The following NALF1 variants were observed in gnomAD, a reference collection of about 807,000 sequenced individuals.
The protein encoded by NALF1 is family with sequence similarity 155 member A.
A neutral mutation model predicts 48.4 loss-of-function variants in NALF1; 3 were observed. The observed-to-expected ratio is 0.06, with a 90% CI of 0.03 to 0.16. NALF1 has a LOEUF of 0.16. NALF1 is among the 10% of genes least tolerant of loss of function. NALF1 has a pLI of 1.00. For synonymous variants in NALF1, 262 were observed against 245.7 expected (o/e 1.07, Z -0.62); for missense variants, 526 against 571.5 (o/e 0.92, Z 0.81).
chr13:107,288,250 C>G (rs868859525), intron 1 of NALF1, among the ~76,000 whole-genome samples: 28 of 129,090 alleles, frequency 2.2e-4, no homozygotes, highest in Middle Eastern at 6.3e-3. Flanking sequence ...GACGGAGTCT[C>G]GCTCTGTCGC....
At chr13:107,257,798 G>A (rs1385654827) in intron 1 of NALF1, among the ~76,000 whole-genome samples, 1 of 152,106 alleles carries the variant, frequency 6.6e-6, no homozygotes, top group Non-Finnish European at 1.5e-5. Flanking sequence ...TAGGGGATGG[G>A]GGGTGGTGAT....
At chr13:107,566,303 T>C (rs1463502824) in intron 1 of NALF1, among the ~76,000 whole-genome samples, 4 of 152,182 alleles carry the variant, frequency 2.6e-5, no homozygotes, top group East Asian at 1.9e-4. Flanking sequence ...TGCTGCAGAT[T>C]TGTGCAATAA....
intron 1 of NALF1, among the ~76,000 whole-genome samples, chr13:107,749,968 C>T (rs1265696273): frequency 2.6e-5 from 4 of 151,954 alleles, no homozygotes; most frequent in Non-Finnish European, 5.9e-5. Context: ...TACAGGCGTA[C>T]GCGACAGTGC....
intron 1 of NALF1, among the ~76,000 whole-genome samples, chr13:107,723,561 G>A (rs542849307): frequency 4.6e-5 from 7 of 152,198 alleles, no homozygotes; most frequent in East Asian, 1.9e-4. Context: ...GGGCTAAAAG[G>A]AAAACAATAA....
Position 107,865,953 on chromosome 13 carries a change from A to C in NALF1, c.644T>G (p.Leu215Arg). The change falls in exon 1 of 3, where the codon CTC becomes CGC. Residue 215 changes from leucine (L) to arginine (R), a missense_variant. Physicochemically the swap from Leu to Arg is moderately radical, Grantham distance 102. This residue lies in a region of NALF1 where 373 missense variants were observed against 355.5 expected (regional missense o/e 1.05). Transcript: ENST00000375915. ...QEVRSKHPTPLWNLSDFYLSF... is the reference protein window; with the variant it reads ...QEVRSKHPTPRWNLSDFYLSF... The stretch of plus-strand genomic sequence containing the variant: ...AAGGTAAAAATCCGACAAGTTCCAG[A>C]GCGGAGTGGGATGCTTGCTCCTCAC... The C allele has an allele frequency of 6.2e-7, 1 of 1,613,700 alleles. No homozygotes were observed. The highest frequency in any genetic ancestry group is 8.5e-7 in the Non-Finnish European group (1 of 1,179,994).
At chr13:107,407,261 T>C (rs960723253) in intron 1 of NALF1, among the ~76,000 whole-genome samples, 1 of 151,744 alleles carries the variant, frequency 6.6e-6, no homozygotes, top group East Asian at 1.9e-4. Flanking sequence ...AATGAACAAA[T>C]GAGATCATAT....
chr13:107,451,340 T>C (rs1430685948), intron 1 of NALF1, among the ~76,000 whole-genome samples: 1 of 152,204 alleles, frequency 6.6e-6, no homozygotes, highest in African/African-American at 2.4e-5. Flanking sequence ...CCCCTCCTAT[T>C]TATTTCATCT....
intron 1 of NALF1, among the ~76,000 whole-genome samples, chr13:107,392,345 C>T (rs1254080792): frequency 6.6e-6 from 1 of 152,050 alleles, no homozygotes; most frequent in African/African-American, 2.4e-5. Context: ...TTGCTCAGTC[C>T]CAGGAAACAG....
At chr13:107,773,732 G>A (rs1877645508) in intron 1 of NALF1, among the ~76,000 whole-genome samples, 1 of 24,686 alleles carries the variant, frequency 4.1e-5, no homozygotes, top group African/African-American at 1.2e-4. Context: ...ACTGTTGTGG[G>A]GTGGGGGGAG....
At chr13:107,779,453 T>C (rs958022054) in intron 1 of NALF1, among the ~76,000 whole-genome samples, 2 of 152,192 alleles carry the variant, frequency 1.3e-5, no homozygotes, top group Non-Finnish European at 2.9e-5. Flanking sequence ...TGCTTCCAAA[T>C]CGGATCCAGT....
In NALF1 at chr13:107,170,313, T is replaced by G; in HGVS notation, c.*184A>C. ...GAAATTTAAAGTCACTTTCCAGCCT[T>G]TTAGTCAATAAAAAGCTGTGGTTGT... On this transcript the variant is annotated 3_prime_UTR_variant, in exon 3 of 3. Transcript: ENST00000375915. 1 of 550,836 alleles carries G rather than the reference T, an allele frequency of 1.8e-6. No homozygotes were observed. Among genetic ancestry groups the G allele is most frequent in the Non-Finnish European group, 3.2e-6 (1 of 313,986 alleles). 34.1% of individuals were successfully genotyped at this position (550,836 alleles called of 1,614,324 possible). A position where few individuals can be genotyped will look rare whatever the true frequency, so the allele number is the denominator to read the frequency against.
intron 1 of NALF1, among the ~76,000 whole-genome samples, chr13:107,401,040 T>C (rs1883797801): frequency 6.6e-6 from 1 of 152,198 alleles, no homozygotes; most frequent in Non-Finnish European, 1.5e-5. Flanking sequence ...ATGGTTTGGC[T>C]TTTTGCGTTC....
intron 1 of NALF1, among the ~76,000 whole-genome samples, chr13:107,402,336 G>C (rs539911357): frequency 6.6e-6 from 1 of 152,300 alleles, no homozygotes; most frequent in African/African-American, 2.4e-5. Context: ...AGCAACCACA[G>C]AGCTTGGGAA....
At chr13:107,216,491 C>A (rs1214604231) in intron 1 of NALF1, among the ~76,000 whole-genome samples, 1 of 152,236 alleles carries the variant, frequency 6.6e-6, no homozygotes, top group African/African-American at 2.4e-5. Flanking sequence ...GTAAGCAGCG[C>A]TCTGAGCTTC....
chr13:107,323,375 T>C (rs1467004820), intron 1 of NALF1, among the ~76,000 whole-genome samples: 1 of 152,226 alleles, frequency 6.6e-6, no homozygotes, highest in African/African-American at 2.4e-5. Flanking sequence ...TTTAAAATTA[T>C]TGAGAAAATT....
chr13:107,210,821 G>C lies in NALF1; in HGVS notation c.916-66C>G, dbSNP rs1018178473. On this transcript the variant is annotated intron_variant, in intron 1 of 2. Coordinates refer to ENST00000375915, the MANE Select transcript of NALF1 (RefSeq NM_001080396.3). ...ACAGTTACAGTGATAGAGGCACTGT[G>C]AGAAGCGTGCAAGCGTGCTGTGGTT... 3.5e-6 allele frequency: 4 copies of C among 1,132,470 alleles called. No individual in the cohort carries two copies. The African/African-American group carries it at 6.1e-5, about 17-fold the overall frequency. 70.2% of individuals were successfully genotyped at this position (1,132,470 alleles called of 1,614,324 possible).
At chr13:107,848,496 T>C (rs1004997767) in intron 1 of NALF1, among the ~76,000 whole-genome samples, 25 of 152,218 alleles carry the variant, frequency 1.6e-4, no homozygotes, top group Non-Finnish European at 3.1e-4. Flanking sequence ...AAATTACTTT[T>C]CCCTTCAAAA....
intron 1 of NALF1, among the ~76,000 whole-genome samples, chr13:107,440,569 TTC>T (rs1251963047): frequency 6.6e-6 from 1 of 152,172 alleles, no homozygotes; most frequent in Non-Finnish European, 1.5e-5. Flanking sequence ...GGACACCGTG[TTC>T]TCTGAGTGAG....
chr13:107,833,113 T>G (rs1879789767), intron 1 of NALF1, among the ~76,000 whole-genome samples: 1 of 152,138 alleles, frequency 6.6e-6, no homozygotes, highest in Non-Finnish European at 1.5e-5. Flanking sequence ...CAGAGGGCCC[T>G]CGCTAAGTGA....
Sources: allele counts gnomAD v4.1 joint callset (sites outside exome capture counted in the v4.1 genomes callset), GRCh38; gene constraint gnomAD v4.1.1; regional missense constraint gnomAD v4.1.1; transcripts MANE v1.5; gene names NCBI Gene and HGNC (gene_info 2026-07-23, HGNC 2026-07-21).